Variants in ANTXR1 observed in about 807,000 individuals in gnomAD.
ANTXR1 encodes ANTXR cell adhesion molecule 1.
Under a neutral mutation model 78.1 loss-of-function variants are expected in ANTXR1, and 19 were observed. That is an observed-to-expected ratio of 0.24 (90% CI 0.17 to 0.36). The LOEUF (loss-of-function observed/expected upper bound fraction) is 0.36. Ranked by LOEUF, ANTXR1 falls within the 10% of genes least tolerant of loss-of-function variation. The pLI, the probability that ANTXR1 is intolerant of heterozygous loss-of-function variation, is 1.00. For missense variants in ANTXR1, 518 were observed against 718.6 expected (o/e 0.72, Z 3.19); for synonymous variants, 273 against 260.5 (o/e 1.05, Z -0.46).
At chr2:69,226,216 G>A (rs1256383903) in intron 17 of ANTXR1, among the ~76,000 whole-genome samples, 1 of 152,196 alleles carries the variant, frequency 6.6e-6, no homozygotes, top group Non-Finnish European at 1.5e-5. Flanking sequence ...TTCTTACTAA[G>A]CATGAGGTCA....
chr2:69,161,306 A>T (rs1250826822), intron 13 of ANTXR1, among the ~76,000 whole-genome samples: 1 of 152,182 alleles, frequency 6.6e-6, no homozygotes, highest in Non-Finnish European at 1.5e-5. Context: ...CACTTTAGAC[A>T]GTGATGAATT....
chr2:69,051,042 T>A (rs1319247279), intron 3 of ANTXR1, among the ~76,000 whole-genome samples: 1 of 152,124 alleles, frequency 6.6e-6, no homozygotes, highest in Non-Finnish European at 1.5e-5. Flanking sequence ...TCCCAGGACT[T>A]TGGGAGGCTG....
intron 13 of ANTXR1, among the ~76,000 whole-genome samples, chr2:69,154,453 AG>A (rs1293882490): frequency 6.6e-6 from 1 of 152,194 alleles, no homozygotes; most frequent in African/African-American, 2.4e-5. Flanking sequence ...GGGCAGATTA[AG>A]GTCATATGTT....
intron 17 of ANTXR1, among the ~76,000 whole-genome samples, chr2:69,241,774 C>G (rs1675899733): frequency 6.6e-6 from 1 of 152,206 alleles, no homozygotes; most frequent in Admixed American, 6.5e-5. Context: ...CTTTCCACCA[C>G]AGACAGGGTC....
In ANTXR1 at chr2:69,181,791, A is replaced by C; in HGVS notation, c.1095A>C (p.Glu365Asp). The change falls in exon 15 of 18, where the codon GAA becomes GAC. Residue 365 changes from glutamate to aspartate, a missense_variant. Around this residue, in one of 5 missense-constraint regions of ANTXR1, gnomAD observed 264 missense variants for 391.8 expected, o/e 0.67. Transcript: ENST00000303714. ...PPPPAEESEE[E>D]DDDGLPKKKW... ...GTGCCACAATTTCTCTGCAGGAAGA[A>C]GATGATGATGGTCTGCCTAAGAAAA... 1 of 1,614,112 alleles carries C rather than the reference A, an allele frequency of 6.2e-7. No homozygotes were observed. Among genetic ancestry groups the C allele is most frequent in the Non-Finnish European group, 8.5e-7 (1 of 1,179,960 alleles).
chr2:69,154,913 A>G (rs1673484943), intron 13 of ANTXR1, among the ~76,000 whole-genome samples: 1 of 152,180 alleles, frequency 6.6e-6, no homozygotes, highest in African/African-American at 2.4e-5. Flanking sequence ...GTGGCTGGGT[A>G]GGAGAGCAGG....
At chr2:69,230,856 G>C (rs1435108098) in intron 17 of ANTXR1, among the ~76,000 whole-genome samples, 2 of 152,122 alleles carry the variant, frequency 1.3e-5, no homozygotes, top group Non-Finnish European at 2.9e-5. Flanking sequence ...TTGTTACATA[G>C]GTAAACATGT....
At chr2:69,156,435 C>T (rs984269647) in intron 13 of ANTXR1, among the ~76,000 whole-genome samples, 2 of 152,192 alleles carry the variant, frequency 1.3e-5, no homozygotes, top group Non-Finnish European at 2.9e-5. Flanking sequence ...TACAAACATA[C>T]GCCAGCCACC....
At chr2:69,134,920 C>T (rs746477686) in intron 12 of ANTXR1, 25 of 292,932 alleles carry the variant, frequency 8.5e-5, no homozygotes, top group Non-Finnish European at 1.7e-4. Context: ...TAGAGCCATA[C>T]ATAACTCAAG....
intron 12 of ANTXR1, among the ~76,000 whole-genome samples, chr2:69,130,585 T>C (rs769540491): frequency 2.3e-4 from 35 of 152,362 alleles, no homozygotes; most frequent in East Asian, 9.6e-4. Flanking sequence ...CAGGTTTACC[T>C]GGAGTCTGTT....
chr2:69,192,459 G>T (rs543746887), intron 16 of ANTXR1, among the ~76,000 whole-genome samples: 54 of 152,084 alleles, frequency 3.6e-4, no homozygotes, highest in Admixed American at 5.9e-4. Context: ...GCTTCTATCC[G>T]CACATCTCCT....
intron 1 of ANTXR1, among the ~76,000 whole-genome samples, chr2:69,037,428 G>A (rs1669473431): frequency 6.6e-6 from 1 of 152,162 alleles, no homozygotes; most frequent in Non-Finnish European, 1.5e-5. Flanking sequence ...AGTCCTGTCT[G>A]TGTTGGTTAA....
At chr2:69,133,273 G>A (rs768211134) in intron 12 of ANTXR1, among the ~76,000 whole-genome samples, 2 of 152,162 alleles carry the variant, frequency 1.3e-5, no homozygotes, top group African/African-American at 2.4e-5. Context: ...CTGAAGAAAA[G>A]AAGACCCTTC....
At chr2:69,182,084 G>A in intron 15 of ANTXR1, 1 of 616,382 alleles carries the variant, frequency 1.6e-6, no homozygotes, top group Non-Finnish European at 2.9e-6. Flanking sequence ...TGGATTGTAA[G>A]GCAGACGGAT....
At chr2:69,075,502 C>A (rs1433820506) in intron 6 of ANTXR1, 88 bp from the exon 7 acceptor site, 1 of 1,255,722 alleles carries the variant, frequency 8.0e-7, no homozygotes, top group African/African-American at 1.5e-5. Flanking sequence ...TCATTAAATA[C>A]CTCATCATTG....
chr2:69,015,071 T>TA (rs773687268), intron 1 of ANTXR1, among the ~76,000 whole-genome samples: 2,569 of 121,820 alleles, frequency 0.021, 56 homozygotes, highest in African/African-American at 0.055. Flanking sequence ...CAGGAAAATC[T>TA]AAAAAAAAAA....
intron 3 of ANTXR1, among the ~76,000 whole-genome samples, chr2:69,064,809 G>A (rs1221323224): frequency 1.3e-5 from 2 of 152,130 alleles, no homozygotes; most frequent in Non-Finnish European, 2.9e-5. Flanking sequence ...AAAATCACAA[G>A]GGAAATTAGA....
chr2:69,102,815 G>C, intron 9 of ANTXR1, 27 bp from the exon 10 acceptor site: 1 of 1,603,898 alleles, frequency 6.2e-7, no homozygotes, highest in Non-Finnish European at 8.5e-7. Flanking sequence ...GCCAAGTAAC[G>C]AGTCTCGTCA....
At chr2:69,058,631 A>G (rs542036755) in intron 3 of ANTXR1, among the ~76,000 whole-genome samples, 45 of 152,308 alleles carry the variant, frequency 3.0e-4, no homozygotes, top group African/African-American at 1.1e-3. Flanking sequence ...GATTAATGTC[A>G]TTTTCATGCC....
Sources: allele counts gnomAD v4.1 joint callset (sites outside exome capture counted in the v4.1 genomes callset), GRCh38; gene constraint gnomAD v4.1.1; regional missense constraint gnomAD v4.1.1; transcripts MANE v1.5; gene names NCBI Gene and HGNC (gene_info 2026-07-23, HGNC 2026-07-21).